ANK2: variants seen among roughly 807,000 people sequenced by gnomAD.
ANK2 encodes the protein ankyrin-2.
Under a neutral mutation model 360.5 loss-of-function variants are expected in ANK2, and 83 were observed. The observed-to-expected ratio is 0.23, with a 90% confidence interval of 0.19 to 0.28. The LOEUF (loss-of-function observed/expected upper bound fraction) is 0.28. ANK2 is among the 10% of genes least tolerant of loss of function. The probability of loss-of-function intolerance (pLI) is 1.00; values close to 1 mark genes in which losing one functional copy is unlikely to be tolerated. For missense variants in ANK2, 4,201 were observed against 4,795.7 expected (o/e 0.88, Z 3.66); for synonymous variants, 1,740 against 1,759.5 (o/e 0.99, Z 0.28).
At chr4:113,151,159 A>G (rs1352122211) in intron 1 of ANK2, 2 of 1,279,122 alleles carry the variant, frequency 1.6e-6, no homozygotes, top group Middle Eastern at 2.1e-4. Flanking sequence ...TAAAAACAGT[A>G]AAGACGTTGG....
intron 1 of ANK2, among the ~76,000 whole-genome samples, chr4:113,073,946 A>C (rs2154342381): frequency 6.6e-6 from 1 of 152,346 alleles, no homozygotes; most frequent in African/African-American, 2.4e-5. Context: ...ATATCCATTC[A>C]ACTTGAAGAG....
chr4:113,014,208 G>C (rs2055742048), intron 2 of ANK2, among the ~76,000 whole-genome samples: 1 of 152,098 alleles, frequency 6.6e-6, no homozygotes. Flanking sequence ...AATATTTGAA[G>C]GTTCCCTAGG....
At chr4:113,249,945 C>A in intron 10 of ANK2, 83 bp downstream of exon 10, 1 of 1,275,548 alleles carries the variant, frequency 7.8e-7, no homozygotes, top group Non-Finnish European at 1.1e-6. Context: ...TAAATTGAAA[C>A]ATCAGGCAAG....
At position 113,307,833 on chromosome 4, in the gene ANK2, G is replaced by A. The variant is rs74348758; in HGVS notation, c.2549-3422G>A. On this transcript the variant is annotated intron_variant, in intron 23 of 45. Coordinates refer to ENST00000357077, the MANE Select transcript of ANK2 (RefSeq NM_001148.6). ...AACATCAATTGTACATAAAAAGCCT[G>A]CAGTACACTGATGCTTTCCAGTTAG... 6.3e-3 allele frequency among the ~76,000 whole-genome samples: 955 copies of A among 152,284 alleles called. 9 individuals are homozygous for A. Among genetic ancestry groups the A allele is most frequent in the Non-Finnish European group, 0.011 (742 of 68,024 alleles).
chr4:112,905,481 A>G (rs892224492), intron 2 of ANK2, among the ~76,000 whole-genome samples: 1 of 152,246 alleles, frequency 6.6e-6, no homozygotes, highest in East Asian at 1.9e-4. Context: ...GTCATGTACT[A>G]TTGAAGATAA....
rs149816541 is a variant in ANK2, at chr4:113,323,225, C to CT, written c.2900+4613dup. ...AAGCACCAAGACTTTGTTTGCATAG[C>CT]TTTTTTTTGCGATACTCTAGTAGGT... On this transcript the variant is annotated intron_variant, in intron 26 of 45. Coordinates refer to ENST00000357077, the MANE Select transcript of ANK2 (RefSeq NM_001148.6). Among the ~76,000 whole-genome samples the CT allele has an allele frequency of 2.8e-3, 427 of 151,730 alleles. 2 individuals are homozygous for CT. The highest frequency in any genetic ancestry group is 9.3e-3 in the African/African-American group (386 of 41,362).
At chr4:112,948,864 T>C (rs1055750804) in intron 2 of ANK2, among the ~76,000 whole-genome samples, 1 of 152,180 alleles carries the variant, frequency 6.6e-6, no homozygotes, top group African/African-American at 2.4e-5. Flanking sequence ...ATGAGGCTAG[T>C]GAGTAGAGAG....
At chr4:113,174,618 A>G in intron 2 of ANK2, 101 bp downstream of exon 2, 2 of 970,456 alleles carry the variant, frequency 2.1e-6, no homozygotes, top group Non-Finnish European at 3.1e-6. Flanking sequence ...ATACTAAAAT[A>G]TCAGTGACTC....
At chr4:112,920,966 T>C (rs981305816) in intron 2 of ANK2, among the ~76,000 whole-genome samples, 2 of 152,188 alleles carry the variant, frequency 1.3e-5, no homozygotes, top group Non-Finnish European at 2.9e-5. Context: ...CAGGGAATTT[T>C]ATTTATTTAA....
At chr4:113,163,229 T>C (rs973734105) in intron 1 of ANK2, among the ~76,000 whole-genome samples, 4 of 152,154 alleles carry the variant, frequency 2.6e-5, no homozygotes. Context: ...TATATATATC[T>C]TTCAGTATAA....
At chr4:113,165,072 T>C (rs1300092108) in intron 1 of ANK2, among the ~76,000 whole-genome samples, 1 of 152,204 alleles carries the variant, frequency 6.6e-6, no homozygotes, top group Non-Finnish European at 1.5e-5. Context: ...TTGTGTACAA[T>C]ATGTAAAAAC....
At chr4:112,791,621 T>C in the ANK2 span, among the ~76,000 whole-genome samples, 1 of 150,808 alleles carries the variant, frequency 6.6e-6, no homozygotes, top group African/African-American at 2.4e-5. Context: ...CCTGAGTAGC[T>C]GGGACTACAG....
intron 4 of ANK2, among the ~76,000 whole-genome samples, chr4:113,219,677 A>AT (rs200640663): frequency 0.028 from 4,241 of 152,136 alleles, 95 homozygotes; most frequent in East Asian, 0.067. Context: ...TCTATTTTAG[A>AT]TTTTCTCTGC....
the ANK2 span, among the ~76,000 whole-genome samples, chr4:112,716,362 G>C: frequency 1.3e-5 from 2 of 152,064 alleles, no homozygotes; most frequent in Non-Finnish European, 2.9e-5. Context: ...CTCCCAAAGT[G>C]CTGGGATTAC....
At chr4:112,921,133 C>A (rs2091379242) in intron 2 of ANK2, among the ~76,000 whole-genome samples, 1 of 145,980 alleles carries the variant, frequency 6.9e-6, no homozygotes, top group African/African-American at 2.5e-5. Flanking sequence ...CTCAAACAAT[C>A]CTCTCATCTC....
intron 3 of ANK2, among the ~76,000 whole-genome samples, chr4:113,198,517 A>G (rs1397834548): frequency 6.6e-6 from 1 of 152,032 alleles, no homozygotes; most frequent in Non-Finnish European, 1.5e-5. Context: ...TGTAAAATTT[A>G]TTTTTCTTAT....
chr4:112,775,055 A>G, the ANK2 span, among the ~76,000 whole-genome samples: 5 of 152,124 alleles, frequency 3.3e-5, no homozygotes, highest in African/African-American at 1.2e-4. Context: ...AGTGTGATGG[A>G]TGCTTTTGTG....
intron 4 of ANK2, among the ~76,000 whole-genome samples, chr4:113,225,516 G>A (rs1046724200): frequency 1.1e-4 from 17 of 152,140 alleles, no homozygotes; most frequent in African/African-American, 4.1e-4. Context: ...ACTTGTGTAA[G>A]GGAAGAATAA....
At chr4:112,845,028 GTATCCCCA>G (rs376726786) in intron 1 of ANK2, among the ~76,000 whole-genome samples, 1 of 152,144 alleles carries the variant, frequency 6.6e-6, no homozygotes, top group African/African-American at 2.4e-5. Context: ...TTATATGATA[GTATCCCCA>G]CTGTGACGAC....
Sources: gnomAD v4.1 joint callset for allele counts (sites outside exome capture counted in the v4.1 genomes callset) on GRCh38, gnomAD v4.1.1 for gene constraint, MANE v1.5 for transcripts, NCBI Gene and HGNC (gene_info 2026-07-23, HGNC 2026-07-21) for gene names.